The following MAMDC2 variants were observed in gnomAD, a reference collection of about 807,000 sequenced individuals.
MAMDC2 encodes the protein MAM domain containing 2.
A neutral mutation model predicts 89.8 loss-of-function variants in MAMDC2; 57 were observed. The observed-to-expected ratio is 0.63, with a 90% CI of 0.51 to 0.79. MAMDC2 has a LOEUF of 0.79. Among genes scored for constraint, MAMDC2 ranks in the 30% least tolerant of loss-of-function variants. MAMDC2 has a pLI of 0.00. For synonymous variants in MAMDC2, 313 were observed against 293.4 expected (o/e 1.07, Z -0.68); for missense variants, 800 against 820.6 (o/e 0.97, Z 0.31).
At chr9:70,173,616 G>T (rs1303399842) in intron 11 of MAMDC2, among the ~76,000 whole-genome samples, 1 of 152,120 alleles carries the variant, frequency 6.6e-6, no homozygotes, top group African/African-American at 2.4e-5. Flanking sequence ...CTTTTGTCAG[G>T]TATAGCAGTA....
intron 6 of MAMDC2, 73 bp downstream of exon 6, chr9:70,126,488 T>A: frequency 6.7e-7 from 1 of 1,485,638 alleles, no homozygotes; most frequent in Non-Finnish European, 9.2e-7. Flanking sequence ...GGGCTGGAGA[T>A]GGAGAGGCTG....
Position 70,068,838 on chromosome 9 carries a change from C to T in MAMDC2, c.148+24141C>T, listed in dbSNP as rs574343085. ...CAAGCATGTCTCCAGGTCCAAAGAACGGAAGAGTTTTATTAGGGGACAGAG... is the reference window on the plus strand; with the variant it reads ...CAAGCATGTCTCCAGGTCCAAAGAATGGAAGAGTTTTATTAGGGGACAGAG... On this transcript the variant is annotated intron_variant, in intron 2 of 13. Transcript: ENST00000377182. 1.6e-4 allele frequency among the ~76,000 whole-genome samples: 24 copies of T among 151,360 alleles called. 1 individual carries two copies. The South Asian group carries it at 3.8e-3, about 24-fold the overall frequency.
At chr9:70,044,768 T>C in intron 2 of MAMDC2, 71 bp downstream of exon 2, 1 of 1,073,410 alleles carries the variant, frequency 9.3e-7, no homozygotes. Flanking sequence ...TTTTCCCACA[T>C]GGGTAATGTT....
intron 9 of MAMDC2, among the ~76,000 whole-genome samples, chr9:70,166,661 G>A (rs2032188615): frequency 6.6e-6 from 1 of 152,006 alleles, no homozygotes; most frequent in South Asian, 2.1e-4. Flanking sequence ...TTGCTTACTT[G>A]CTTGTATGGT....
In MAMDC2 at chr9:70,044,228, C is replaced by T; in HGVS notation, c.31C>T (p.Gln11Ter). The change falls in exon 1 of 14, where the codon CAA (glutamine) becomes TAA (stop). Residue 11 changes from glutamine (Q) to a stop codon, truncating the protein, a stop_gained. Coordinates refer to ENST00000377182, the MANE Select transcript of MAMDC2 (RefSeq NM_153267.5). LOFTEE classifies it high-confidence loss of function. ...GTTAAGGGGCGTCCTCCTGGCGTTG[C>T]AAGGTAAGGCCTGGACCCCGGGACA... MLLRGVLLAL[Q>*]ALQLAGALDL... The T allele has an allele frequency of 6.2e-7, 1 of 1,613,148 alleles. No individual in the cohort carries two copies. Among genetic ancestry groups the T allele is most frequent in the Non-Finnish European group, 8.5e-7 (1 of 1,179,926 alleles).
At chr9:70,050,269 A>G (rs1363756214) in intron 2 of MAMDC2, among the ~76,000 whole-genome samples, 1 of 152,210 alleles carries the variant, frequency 6.6e-6, no homozygotes, top group African/African-American at 2.4e-5. Flanking sequence ...CTCGATATAT[A>G]TTTGTTGAAT....
In MAMDC2 at chr9:70,083,398, A is replaced by T. The variant is rs1827698574; in HGVS notation, c.149-24813A>T. The T allele has an allele frequency of 3.3e-5, 5 of 152,180 alleles. No homozygotes were observed. The South Asian group carries it at 1.0e-3, about 31-fold the overall frequency. 9.4% of individuals were successfully genotyped at this position (152,180 alleles called of 1,614,324 possible). On this transcript the variant is annotated intron_variant, in intron 2 of 13. Coordinates refer to ENST00000377182, the MANE Select transcript of MAMDC2 (RefSeq NM_153267.5). ...CATATATCGTTGCTTTTATTAAAAA[A>T]AAAGTGTTGCTCATTCTATAGCTAA...
chr9:70,210,892 T>A (rs1484405930), intron 11 of MAMDC2, among the ~76,000 whole-genome samples: 1 of 152,254 alleles, frequency 6.6e-6, no homozygotes, highest in African/African-American at 2.4e-5. Flanking sequence ...CTTATGAAGC[T>A]TAGTTTGGCT....
At chr9:70,212,336 C>T (rs912284059) in intron 11 of MAMDC2, among the ~76,000 whole-genome samples, 14 of 152,246 alleles carry the variant, frequency 9.2e-5, no homozygotes, top group Non-Finnish European at 1.6e-4. Flanking sequence ...GGCAGATGCC[C>T]CTTCCCCAGC....
At chr9:70,166,316 T>C (rs1487584869) in intron 9 of MAMDC2, among the ~76,000 whole-genome samples, 2 of 143,594 alleles carry the variant, frequency 1.4e-5, no homozygotes, top group Non-Finnish European at 1.5e-5. Flanking sequence ...TATATATATA[T>C]ACATACACAT....
At chr9:70,160,113 G>A (rs369395186) in intron 9 of MAMDC2, among the ~76,000 whole-genome samples, 38 of 152,104 alleles carry the variant, frequency 2.5e-4, no homozygotes, top group East Asian at 1.9e-3. Flanking sequence ...TCAGGAGGCT[G>A]AGACACGAGA....
chr9:70,132,852 T>C (rs1236572972), intron 7 of MAMDC2, among the ~76,000 whole-genome samples: 1 of 152,162 alleles, frequency 6.6e-6, no homozygotes, highest in Non-Finnish European at 1.5e-5. Flanking sequence ...AGCTAAACTG[T>C]TACCCCAAAA....
chr9:70,062,277 ACACT>A (rs1827166204), intron 2 of MAMDC2, among the ~76,000 whole-genome samples: 1 of 152,014 alleles, frequency 6.6e-6, no homozygotes. Context: ...ACACACACAC[ACACT>A]ATCTCTTTAT....
At chr9:70,107,594 G>T (rs1638899701) in intron 2 of MAMDC2, among the ~76,000 whole-genome samples, 1 of 152,146 alleles carries the variant, frequency 6.6e-6, no homozygotes, top group Admixed American at 6.5e-5. Context: ...AGAGTCAAGG[G>T]AAGGAAGTCT....
rs535010686 is a variant in MAMDC2 at position 70,126,124 on chromosome 9, C to T, written c.644-35C>T. 34 of 1,570,818 alleles carry T rather than the reference C, an allele frequency of 2.2e-5. No homozygotes were observed. The African/African-American group carries it at 3.7e-4, about 17-fold the overall frequency. Reference sequence around the variant, plus strand: ...ACCTCTTCCCCTCCCCCACCCCCAACTCTTAACACTGTGCTCTGTCTGTGT... The same window carrying T: ...ACCTCTTCCCCTCCCCCACCCCCAATTCTTAACACTGTGCTCTGTCTGTGT... On this transcript the variant is annotated intron_variant, in intron 5 of 13. Coordinates refer to ENST00000377182, the MANE Select transcript of MAMDC2 (RefSeq NM_153267.5).
At chr9:70,141,087 C>G (rs2031201369) in intron 8 of MAMDC2, among the ~76,000 whole-genome samples, 1 of 152,152 alleles carries the variant, frequency 6.6e-6, no homozygotes, top group Non-Finnish European at 1.5e-5. Context: ...GCTGGTGAAG[C>G]TTAGGTTCCA....
chr9:70,181,901 G>C (rs1310513435), intron 11 of MAMDC2, among the ~76,000 whole-genome samples: 1 of 152,100 alleles, frequency 6.6e-6, no homozygotes, highest in African/African-American at 2.4e-5. Flanking sequence ...TGTTGAATAG[G>C]AATGGTGAGA....
chr9:70,200,043 C>G (rs1219546665), intron 11 of MAMDC2, among the ~76,000 whole-genome samples: 2 of 150,956 alleles, frequency 1.3e-5, no homozygotes, highest in African/African-American at 4.8e-5. Flanking sequence ...TGTGCAGAAG[C>G]TCTTTAGTTT....
chr9:70,054,001 C>G (rs1443339543), intron 2 of MAMDC2, among the ~76,000 whole-genome samples: 1 of 152,086 alleles, frequency 6.6e-6, no homozygotes, highest in Admixed American at 6.6e-5. Flanking sequence ...GGAAGAGTGA[C>G]TCTGAAATTT....
Sources: gnomAD v4.1 joint callset for allele counts (sites outside exome capture counted in the v4.1 genomes callset) on GRCh38, gnomAD v4.1.1 for gene constraint, MANE v1.5 for transcripts, NCBI Gene and HGNC (gene_info 2026-07-23, HGNC 2026-07-21) for gene names.